Variants in DDX42 observed in about 807,000 individuals in gnomAD.
The protein encoded by DDX42 is ATP-dependent RNA helicase DDX42.
Under a neutral mutation model 101.5 loss-of-function variants are expected in DDX42, and 22 were observed. The ratio of observed to expected loss-of-function variants is 0.22; its 90% CI spans 0.15 to 0.31. The LOEUF (loss-of-function observed/expected upper bound fraction) is 0.31. DDX42 is among the 10% of genes least tolerant of loss of function. DDX42 has a pLI of 1.00. For synonymous variants in DDX42, 402 were observed against 401.2 expected (o/e 1.00, Z -0.02); for missense variants, 849 against 1,199.9 (o/e 0.71, Z 4.32).
At position 63,818,316 on chromosome 17, in the gene DDX42, T is replaced by C; in HGVS notation, c.2735T>C (p.Val912Ala). 1 of 1,614,016 alleles carries C rather than the reference T, an allele frequency of 6.2e-7. No individual in the cohort carries two copies. Among genetic ancestry groups the C allele is most frequent in the African/African-American group, 1.3e-5 (1 of 75,010 alleles). Residue 912 changes from valine (V) to alanine (A), a missense_variant, in exon 18 of 18, where the codon GTG becomes GCG. Around this residue, in one of 5 missense-constraint regions of DDX42, gnomAD observed 300 missense variants for 304.9 expected, o/e 0.98. Coordinates refer to ENST00000389924, the MANE Select transcript of DDX42 (RefSeq NM_203499.3). ...GTGGACAGCAGCAAGATGGACAAGG[T>C]GGACAGCAAGACAGATAAGACAGCT... The part of the protein sequence containing the change: ...PKVDSSKMDK[V>A]DSKTDKTADG...
At chr17:63,792,661 A>T in intron 3 of DDX42, 99 bp downstream of exon 3, 1 of 1,319,098 alleles carries the variant, frequency 7.6e-7, no homozygotes. Context: ...TTCTAGTCTT[A>T]TTATTTTTTT....
At chr17:63,806,445 A>G in intron 7 of DDX42, 90 bp from the exon 8 acceptor site, 2 of 1,385,448 alleles carry the variant, frequency 1.4e-6, no homozygotes, top group Non-Finnish European at 1.9e-6. Context: ...TACTCCAGCT[A>G]AAATGCTAGA....
At chr17:63,817,660 TCTTACCTAC>T (rs2039992735) in intron 17 of DDX42, 25 bp from the exon 18 acceptor site, 4 of 1,595,868 alleles carry the variant, frequency 2.5e-6, no homozygotes, top group Non-Finnish European at 2.6e-6. Context: ...GAACTTGCTA[TCTTACCTAC>T]TCCTGATGTC....
At chr17:63,793,533 G>A (rs993645187) in intron 3 of DDX42, among the ~76,000 whole-genome samples, 6 of 152,072 alleles carry the variant, frequency 3.9e-5, no homozygotes, top group Non-Finnish European at 7.4e-5. Context: ...CTCCCAAAGC[G>A]CTTGGACCAC....
At chr17:63,781,578 C>G (rs889288702) in intron 1 of DDX42, among the ~76,000 whole-genome samples, 3 of 152,220 alleles carry the variant, frequency 2.0e-5, no homozygotes, top group East Asian at 1.9e-4. Flanking sequence ...CTTCTTTCTC[C>G]TCACCCGTGT....
At chr17:63,808,039 T>A (rs534716211) in intron 9 of DDX42, 139 bp downstream of exon 9, 1 of 801,158 alleles carries the variant, frequency 1.2e-6, no homozygotes, top group Admixed American at 3.3e-5. Flanking sequence ...TTAACCATTT[T>A]TAATGTACAG....
At chr17:63,778,516 A>G (rs1484211753) in intron 1 of DDX42, among the ~76,000 whole-genome samples, 1 of 152,204 alleles carries the variant, frequency 6.6e-6, no homozygotes, top group Non-Finnish European at 1.5e-5. Flanking sequence ...GTGAACTCTG[A>G]GTATGGCTGC....
At chr17:63,785,908 A>G (rs2039542671) in intron 1 of DDX42, among the ~76,000 whole-genome samples, 1 of 152,216 alleles carries the variant, frequency 6.6e-6, no homozygotes, top group African/African-American at 2.4e-5. Context: ...TCATTACCAG[A>G]GGATAACCTC....
chr17:63,793,984 C>T (rs536694308), intron 3 of DDX42, among the ~76,000 whole-genome samples: 2 of 152,074 alleles, frequency 1.3e-5, no homozygotes, highest in South Asian at 2.1e-4. Flanking sequence ...AATCTAATTT[C>T]GCTTGCTTAG....
chr17:63,783,013 C>T (rs574757729), intron 1 of DDX42, among the ~76,000 whole-genome samples: 1 of 152,314 alleles, frequency 6.6e-6, no homozygotes, highest in South Asian at 2.1e-4. Context: ...CAGATCCTTC[C>T]ATCTGAAATG....
intron 2 of DDX42, among the ~76,000 whole-genome samples, chr17:63,789,567 TTTTG>T (rs1567733091): frequency 1.4e-3 from 72 of 52,874 alleles, no homozygotes; most frequent in African/African-American, 6.3e-3. Context: ...TTGTTTTTGT[TTTTG>T]TTTTTTTTTT....
chr17:63,817,073 G>A, intron 17 of DDX42, 107 bp downstream of exon 17: 3 of 831,264 alleles, frequency 3.6e-6, no homozygotes, highest in Non-Finnish European at 5.7e-6. Flanking sequence ...CTTGATGCTA[G>A]ATTTAGGGTC....
chr17:63,782,863 G>T (rs2039504883), intron 1 of DDX42, among the ~76,000 whole-genome samples: 1 of 152,124 alleles, frequency 6.6e-6, no homozygotes, highest in South Asian at 2.1e-4. Flanking sequence ...GTTTTGTATG[G>T]TACGTCGTTA....
At position 63,816,853 on chromosome 17, in the gene DDX42, T is replaced by C; in HGVS notation, c.2014-15T>C. 6.2e-7 allele frequency: 1 copy of C among 1,604,242 alleles called. No homozygotes were observed. Among genetic ancestry groups the C allele is most frequent in the East Asian group, 2.2e-5 (1 of 44,752 alleles). On this transcript the variant is annotated splice_polypyrimidine_tract_variant and intron_variant, in intron 16 of 17. Coordinates refer to ENST00000389924, the MANE Select transcript of DDX42 (RefSeq NM_203499.3). ...GCTTATTTTTTCATTCTCATAGATG[T>C]GTTTATTTTTTTAGGATCGAGGAAA...
At chr17:63,817,554 A>C in intron 17 of DDX42, 140 bp from the exon 18 acceptor site, 1 of 759,454 alleles carries the variant, frequency 1.3e-6, no homozygotes, top group Non-Finnish European at 2.1e-6. Flanking sequence ...AAGGGACCAT[A>C]CTGTGGGGCC....
intron 14 of DDX42, 65 bp from the exon 15 acceptor site, chr17:63,813,163 T>C: frequency 6.9e-7 from 1 of 1,449,490 alleles, no homozygotes; most frequent in Non-Finnish European, 9.4e-7. Context: ...CACTAGCATT[T>C]CTGGTTACTT....
In DDX42 at chr17:63,817,802, C is replaced by G. The variant is rs1853913359; in HGVS notation, c.2221C>G (p.Pro741Ala). Residue 741 changes from proline (P) to alanine (A), a missense_variant, in exon 18 of 18, where the codon CCA becomes GCA. By Grantham distance (27) the Pro-to-Ala change is conservative (BLOSUM62 -1). Transcript: ENST00000389924. ...WTSAGSLNSV[P>A]TNSAQQGHNS... ...TAGTGCAGGGAGCTTGAATTCTGTTCCAACTAACTCAGCACAACAGGGCCA... is the reference window on the plus strand; with the variant it reads ...TAGTGCAGGGAGCTTGAATTCTGTTGCAACTAACTCAGCACAACAGGGCCA... 7 of 1,614,116 alleles carry G rather than the reference C, an allele frequency of 4.3e-6. No homozygotes were observed. The highest frequency in any genetic ancestry group is 5.9e-6 in the Non-Finnish European group (7 of 1,180,024).
intron 7 of DDX42, 62 bp downstream of exon 7, chr17:63,805,237 T>G: frequency 6.4e-7 from 1 of 1,567,274 alleles, no homozygotes; most frequent in Non-Finnish European, 8.6e-7. Context: ...TTTAGTATTA[T>G]TGGTTATCTA....
intron 8 of DDX42, among the ~76,000 whole-genome samples, chr17:63,807,024 T>C (rs186556117): frequency 2.6e-5 from 4 of 152,376 alleles, no homozygotes; most frequent in East Asian, 3.9e-4. Flanking sequence ...TTTATTCTTA[T>C]GCAGAACATT....
Sources: allele counts gnomAD v4.1 joint callset (sites outside exome capture counted in the v4.1 genomes callset), GRCh38; gene constraint gnomAD v4.1.1; regional missense constraint gnomAD v4.1.1; transcripts MANE v1.5; gene names NCBI Gene and HGNC (gene_info 2026-07-23, HGNC 2026-07-21).